The following LAMA2 variants were observed in gnomAD, a reference collection of about 807,000 sequenced individuals.
LAMA2 encodes laminin subunit alpha-2.
A neutral mutation model predicts 364.8 loss-of-function variants in LAMA2; 269 were observed. The observed-to-expected ratio is 0.74, with a 90% confidence interval of 0.67 to 0.82. LAMA2 has a LOEUF of 0.82. LAMA2 is among the 40% of genes least tolerant of loss of function. The probability of loss-of-function intolerance (pLI) is 0.00; values close to 1 mark genes in which losing one functional copy is unlikely to be tolerated. For missense variants in LAMA2, 3,807 were observed against 3,873.2 expected, an observed-to-expected ratio of 0.98 and a Z score of 0.45; for synonymous variants, 1,379 against 1,370.6, an observed-to-expected ratio of 1.01 and a Z score of -0.14.
At chr6:129,426,366 G>T (rs1341274103) in intron 40 of LAMA2, among the ~76,000 whole-genome samples, 1 of 152,082 alleles carries the variant, frequency 6.6e-6, no homozygotes. Flanking sequence ...GAGTAAAAAT[G>T]ACGTGTAAAT....
chr6:129,256,763 C>CATATATATATATATATATAT (rs199726173), intron 14 of LAMA2, among the ~76,000 whole-genome samples: 1 of 87,958 alleles, frequency 1.1e-5, no homozygotes, highest in African/African-American at 4.1e-5. Flanking sequence ...AATTATATAG[C>CATATATATATATATATATAT]ATATATATAT....
chr6:129,362,041 T>G (rs554824104), intron 32 of LAMA2, among the ~76,000 whole-genome samples: 1 of 151,946 alleles, frequency 6.6e-6, no homozygotes, highest in Non-Finnish European at 1.5e-5. Flanking sequence ...ATCTCAAGCC[T>G]CCCATACTGC....
chr6:129,273,312 C>T (rs533540756), intron 17 of LAMA2, among the ~76,000 whole-genome samples: 17 of 152,228 alleles, frequency 1.1e-4, no homozygotes, highest in African/African-American at 2.6e-4. Context: ...TCATTGTTCA[C>T]GACTAACTTG....
At chr6:129,315,401 G>T in intron 24 of LAMA2, 75 bp from the exon 25 acceptor site, 1 of 1,293,954 alleles carries the variant, frequency 7.7e-7, no homozygotes, top group Non-Finnish European at 1.1e-6. Context: ...AGATAGACAT[G>T]CAGTTCGTAA....
intron 1 of LAMA2, among the ~76,000 whole-genome samples, chr6:128,944,686 A>G (rs1780386767): frequency 6.6e-6 from 1 of 152,112 alleles, no homozygotes. Context: ...AAGTGGTTCT[A>G]GATTCTACAG....
At chr6:128,908,550 C>T (rs1290729091) in intron 1 of LAMA2, among the ~76,000 whole-genome samples, 11 of 138,710 alleles carry the variant, frequency 7.9e-5, no homozygotes, top group East Asian at 4.3e-4. Flanking sequence ...GTCTTGCTAG[C>T]GGTCTATCAA....
At chr6:129,061,365 T>G (rs772767505) in intron 3 of LAMA2, among the ~76,000 whole-genome samples, 3 of 152,138 alleles carry the variant, frequency 2.0e-5, no homozygotes, top group Non-Finnish European at 4.4e-5. Flanking sequence ...AACAATGGGG[T>G]CAATTATTAA....
chr6:129,498,123 T>C (rs541088204), intron 58 of LAMA2, among the ~76,000 whole-genome samples: 7 of 152,338 alleles, frequency 4.6e-5, no homozygotes, highest in African/African-American at 1.7e-4. Context: ...GATTTGTAGA[T>C]AATGAGCTGG....
At chr6:129,293,075 A>C (rs933163708) in intron 20 of LAMA2, 9 of 985,936 alleles carry the variant, frequency 9.1e-6, no homozygotes, top group Non-Finnish European at 9.6e-6. Flanking sequence ...CGGTAATCCC[A>C]GAGGCGCTGC....
At chr6:129,151,622 G>A (rs950758882) in intron 7 of LAMA2, among the ~76,000 whole-genome samples, 10 of 152,130 alleles carry the variant, frequency 6.6e-5, no homozygotes, top group African/African-American at 2.4e-4. Flanking sequence ...TGGCTAGGAG[G>A]CCTCAGGAAA....
intron 12 of LAMA2, among the ~76,000 whole-genome samples, chr6:129,245,640 GA>G (rs1785700764): frequency 6.6e-6 from 1 of 152,128 alleles, no homozygotes; most frequent in Non-Finnish European, 1.5e-5. Context: ...GTTAATGGAT[GA>G]ATTTTTTTAT....
intron 14 of LAMA2, among the ~76,000 whole-genome samples, 199 bp downstream of exon 14, chr6:129,252,494 G>A (rs1447779041): frequency 6.6e-6 from 1 of 152,026 alleles, no homozygotes; most frequent in African/African-American, 2.4e-5. Context: ...ATTTGTCTCG[G>A]TTTTTATTAT....
intron 51 of LAMA2, among the ~76,000 whole-genome samples, chr6:129,468,635 T>C (rs748601860): frequency 2.2e-4 from 33 of 151,936 alleles, no homozygotes; most frequent in Non-Finnish European, 3.1e-4. Context: ...GTCATTGACT[T>C]GCAGTAGCAA....
intron 32 of LAMA2, among the ~76,000 whole-genome samples, chr6:129,364,218 A>G (rs570453706): frequency 5.3e-5 from 8 of 152,302 alleles, no homozygotes; most frequent in Non-Finnish European, 1.2e-4. Flanking sequence ...CTGCTGTCCT[A>G]TCAAAAAATC....
chr6:129,126,286 A>G (rs974299873), intron 4 of LAMA2, among the ~76,000 whole-genome samples: 1 of 152,216 alleles, frequency 6.6e-6, no homozygotes, highest in African/African-American at 2.4e-5. Flanking sequence ...TTTTCAATGA[A>G]CATCTGTTTG....
chr6:129,062,963 A>G (rs1200466801), intron 3 of LAMA2, among the ~76,000 whole-genome samples: 2 of 151,372 alleles, frequency 1.3e-5, no homozygotes, highest in African/African-American at 4.8e-5. Context: ...GCACTAGAAA[A>G]AATAGCAATT....
intron 1 of LAMA2, chr6:128,905,617 T>A (rs28693972): frequency 6.6e-6 from 1 of 151,966 alleles, no homozygotes; most frequent in African/African-American, 2.4e-5. Context: ...TTCGTTTTTT[T>A]ATTTTTTATT....
chr6:128,905,294 ATAT>A (rs1388694868), intron 1 of LAMA2: 1 of 151,746 alleles, frequency 6.6e-6, no homozygotes, highest in Admixed American at 6.6e-5. Context: ...ATTTATGTGG[ATAT>A]GTGTAATAAA....
At chr6:129,321,398 CAG>C (rs1774958374) in intron 28 of LAMA2, among the ~76,000 whole-genome samples, 1 of 152,146 alleles carries the variant, frequency 6.6e-6, no homozygotes, top group Non-Finnish European at 1.5e-5. Flanking sequence ...TAGGCTTTAG[CAG>C]GTAAACACCA....
Sources: gnomAD v4.1 joint callset for allele counts (sites outside exome capture counted in the v4.1 genomes callset) on GRCh38, gnomAD v4.1.1 for gene constraint, MANE v1.5 for transcripts, NCBI Gene and HGNC (gene_info 2026-07-23, HGNC 2026-07-21) for gene names.